ADAMTSL3: variants seen among roughly 807,000 people sequenced by gnomAD.
ADAMTSL3 encodes ADAMTS like 3.
Under a neutral mutation model 201.7 loss-of-function variants are expected in ADAMTSL3, and 128 were observed. The ratio of observed to expected loss-of-function variants is 0.63; its 90% CI spans 0.55 to 0.73. The LOEUF (loss-of-function observed/expected upper bound fraction) is 0.73, where lower values mean the gene tolerates loss of function less well. Among genes scored for constraint, ADAMTSL3 ranks in the 30% least tolerant of loss-of-function variants. The probability of loss-of-function intolerance (pLI) is 0.00; values close to 1 mark genes in which losing one functional copy is unlikely to be tolerated. For missense variants in ADAMTSL3, 1,990 were observed against 2,119.6 expected, an observed-to-expected ratio of 0.94 and a Z score of 1.20; for synonymous variants, 738 against 748.4, an observed-to-expected ratio of 0.99 and a Z score of 0.23.
At chr15:83,998,389 C>T (rs2067727774) in intron 23 of ADAMTSL3, among the ~76,000 whole-genome samples, 1 of 152,112 alleles carries the variant, frequency 6.6e-6, no homozygotes, top group Non-Finnish European at 1.5e-5. Context: ...GCGGAGGTTG[C>T]AGTGAGCCGA....
chr15:83,991,429 T>A (rs1252526650), intron 23 of ADAMTSL3, among the ~76,000 whole-genome samples: 1 of 152,206 alleles, frequency 6.6e-6, no homozygotes, highest in Non-Finnish European at 1.5e-5. Context: ...GAATGCCAAG[T>A]TACTTGTTTC....
chr15:83,858,376 A>G (rs2064785284), intron 7 of ADAMTSL3, among the ~76,000 whole-genome samples: 1 of 152,074 alleles, frequency 6.6e-6, no homozygotes, highest in Admixed American at 6.6e-5. Flanking sequence ...CCAAAGATTT[A>G]TTTATTTTTT....
chr15:83,999,298 C>T lies in ADAMTSL3; in HGVS notation c.3973+8084C>T, dbSNP rs1285232436. ...AAACCATTTGTACTTCTTTACAGTT[C>T]CATACAGCAGTGTAAGAAACCTTCT... On this transcript the variant is annotated intron_variant, in intron 23 of 29. Coordinates refer to ENST00000286744, the MANE Select transcript of ADAMTSL3 (RefSeq NM_207517.3). 2.0e-5 allele frequency among the ~76,000 whole-genome samples: 3 copies of T among 152,228 alleles called. No homozygotes were observed. The East Asian group carries it at 5.8e-4, about 29-fold the overall frequency.
At chr15:83,734,661 G>T (rs1406849888) in intron 3 of ADAMTSL3, among the ~76,000 whole-genome samples, 1 of 152,188 alleles carries the variant, frequency 6.6e-6, no homozygotes, top group Non-Finnish European at 1.5e-5. Context: ...TCAGCAAATA[G>T]TCTTAAAGGC....
At chr15:83,880,341 C>G (rs1368637520) in intron 9 of ADAMTSL3, among the ~76,000 whole-genome samples, 2 of 152,024 alleles carry the variant, frequency 1.3e-5, no homozygotes, top group African/African-American at 4.8e-5. Flanking sequence ...GTGTCTGATT[C>G]AGGGATCAGC....
At chr15:83,741,255 A>T (rs1183581429) in intron 3 of ADAMTSL3, among the ~76,000 whole-genome samples, 4 of 151,272 alleles carry the variant, frequency 2.6e-5, no homozygotes, top group African/African-American at 9.7e-5. Flanking sequence ...ATATTAATAG[A>T]TGGAATCCCA....
chr15:83,709,689 C>T (rs2141525687), intron 3 of ADAMTSL3, among the ~76,000 whole-genome samples: 1 of 152,290 alleles, frequency 6.6e-6, no homozygotes, highest in South Asian at 2.1e-4. Flanking sequence ...AAGCCTGTGA[C>T]AAGCACAGTG....
chr15:83,769,283 G>C (rs570325923), intron 3 of ADAMTSL3, among the ~76,000 whole-genome samples: 2 of 151,992 alleles, frequency 1.3e-5, no homozygotes, highest in Non-Finnish European at 2.9e-5. Flanking sequence ...TTGGTATATC[G>C]AGTGACAAAA....
rs56658865 is a variant in ADAMTSL3, at chr15:83,899,929, C to T, written c.1700+198C>T. On this transcript the variant is annotated intron_variant, in intron 15 of 29. Transcript: ENST00000286744. ...GTCCTCCTTTGGCAGTTTCTCTGAGCAGCACAGAAAAGAACAGTGTTACTT... is the reference window on the plus strand; with the variant it reads ...GTCCTCCTTTGGCAGTTTCTCTGAGTAGCACAGAAAAGAACAGTGTTACTT... 8.5e-3 allele frequency among the ~76,000 whole-genome samples: 1,291 copies of T among 152,296 alleles called. 15 individuals carry two copies. Among genetic ancestry groups the T allele is most frequent in the African/African-American group, 0.029 (1,203 of 41,556 alleles).
chr15:83,810,971 T>C (rs900785296), intron 5 of ADAMTSL3, among the ~76,000 whole-genome samples: 4 of 152,122 alleles, frequency 2.6e-5, no homozygotes, highest in Admixed American at 6.5e-5. Flanking sequence ...ACTCCTGACC[T>C]CAAGTGATCC....
intron 23 of ADAMTSL3, among the ~76,000 whole-genome samples, chr15:84,012,250 AG>A (rs2068019178): frequency 6.6e-6 from 1 of 152,242 alleles, no homozygotes; most frequent in Admixed American, 6.5e-5. Context: ...AGAGTATCTA[AG>A]GCCAAGATCA....
At chr15:83,919,737 C>T (rs1396782213) in intron 16 of ADAMTSL3, among the ~76,000 whole-genome samples, 1 of 151,964 alleles carries the variant, frequency 6.6e-6, no homozygotes, top group African/African-American at 2.4e-5. Flanking sequence ...TAAAAGGCAA[C>T]AAGAAAGCTC....
chr15:83,939,663 C>T (rs952164423), intron 17 of ADAMTSL3, among the ~76,000 whole-genome samples: 37 of 151,476 alleles, frequency 2.4e-4, no homozygotes, highest in Admixed American at 2.4e-3. Flanking sequence ...GCTCTGTCAC[C>T]CAGGCTGGAG....
chr15:83,723,495 A>C (rs558346253), intron 3 of ADAMTSL3, among the ~76,000 whole-genome samples: 9 of 152,304 alleles, frequency 5.9e-5, no homozygotes, highest in Admixed American at 5.2e-4. Flanking sequence ...CTTCCTGCAA[A>C]AATACATTGA....
chr15:84,027,762 T>C (rs1433333796), intron 27 of ADAMTSL3, among the ~76,000 whole-genome samples: 1 of 152,014 alleles, frequency 6.6e-6, no homozygotes, highest in East Asian at 1.9e-4. Context: ...AACTTGTACA[T>C]GAATATTTGT....
intron 4 of ADAMTSL3, among the ~76,000 whole-genome samples, chr15:83,798,828 A>AC (rs1567152114): frequency 6.6e-6 from 1 of 151,426 alleles, no homozygotes; most frequent in African/African-American, 2.4e-5. Context: ...AAAAAAACAA[A>AC]AAAAAAGGAC....
At chr15:83,907,482 C>T (rs767884609) in intron 15 of ADAMTSL3, among the ~76,000 whole-genome samples, 1 of 152,224 alleles carries the variant, frequency 6.6e-6, no homozygotes, top group Non-Finnish European at 1.5e-5. Context: ...CAGCTCACTT[C>T]AACACCACCT....
intron 17 of ADAMTSL3, among the ~76,000 whole-genome samples, chr15:83,938,975 A>C (rs1258007884): frequency 6.6e-6 from 1 of 152,194 alleles, no homozygotes; most frequent in Non-Finnish European, 1.5e-5. Flanking sequence ...AATTCAAATT[A>C]AAAATGTTTT....
intron 23 of ADAMTSL3, among the ~76,000 whole-genome samples, chr15:84,003,871 A>AC (rs1567295517): frequency 6.6e-6 from 1 of 152,070 alleles, no homozygotes; most frequent in Non-Finnish European, 1.5e-5. Flanking sequence ...GGCTGCTATG[A>AC]CCTAACTATG....
Sources: allele counts gnomAD v4.1 joint callset (sites outside exome capture counted in the v4.1 genomes callset), GRCh38; gene constraint gnomAD v4.1.1; transcripts MANE v1.5; gene names NCBI Gene and HGNC (gene_info 2026-07-23, HGNC 2026-07-21).